CCNI: variants seen among roughly 807,000 people sequenced by gnomAD.
The protein encoded by CCNI is cyclin I.
In CCNI, 14 loss-of-function variants were observed where a neutral mutation model predicts 34.1. The observed-to-expected ratio is 0.41, with a 90% confidence interval of 0.27 to 0.64. The LOEUF is 0.64. Ranked by LOEUF, CCNI falls within the 30% of genes least tolerant of loss-of-function variation. The pLI is 0.31. For missense variants in CCNI, 385 were observed against 440.5 expected (o/e 0.87, Z 1.13); for synonymous variants, 154 against 158.4 (o/e 0.97, Z 0.21).
In CCNI at chr4:77,056,119, G is replaced by A. The variant is rs369295224; in HGVS notation, c.319-17C>T. ...TGGAATTCTCTATCCAAAGCAAAGG[G>A]GAACAGGGACAGGGAGAAAAGGACA... is the stretch of plus-strand genomic sequence containing the variant. On this transcript the variant is annotated splice_polypyrimidine_tract_variant and intron_variant, in intron 4 of 6. Transcript: ENST00000237654. 11 of 1,611,446 alleles carry A rather than the reference G, an allele frequency of 6.8e-6. No homozygotes were observed. The African/African-American group carries it at 8.0e-5, about 12-fold the overall frequency.
chr4:77,050,521 A>C (rs927550384), intron 6 of CCNI, among the ~76,000 whole-genome samples: 1 of 152,228 alleles, frequency 6.6e-6, no homozygotes, highest in Non-Finnish European at 1.5e-5. Flanking sequence ...AAAGTAACTG[A>C]AACTGTCAGA....
In CCNI at chr4:77,048,010, TC is replaced by T. The variant is rs1727544441; in HGVS notation, c.*208del. Reference sequence around the variant, plus strand: ...AAAAAAAGTTTGGATCTTTTGGATTTCTTTTTTTTTTTTTTGGTCTTTATGT... The same window carrying T: ...AAAAAAAGTTTGGATCTTTTGGATTTTTTTTTTTTTTTTTGGTCTTTATGT... On this transcript the variant is annotated 3_prime_UTR_variant, in exon 7 of 7. Coordinates refer to ENST00000237654, the MANE Select transcript of CCNI (RefSeq NM_006835.3). 9.7e-6 allele frequency: 4 copies of T among 412,334 alleles called. No individual in the cohort carries two copies. In the South Asian group the frequency reaches 1.9e-4, roughly 20 times the overall value. The allele number at this position is 412,334 out of a possible 1,614,324, so 25.5% of individuals were successfully genotyped here. A position where few individuals can be genotyped will look rare whatever the true frequency, so the allele number is the denominator to read the frequency against.
chr4:77,055,320 G>A lies in CCNI; in HGVS notation c.520C>T (p.Pro174Ser), dbSNP rs1728143490. 1 of 1,614,166 alleles carries A rather than the reference G, an allele frequency of 6.2e-7. No individual in the cohort carries two copies. The change falls in exon 6 of 7, where the codon CCA (proline) becomes TCA (serine). Residue 174 changes from proline (P) to serine (S), a missense_variant. Around this residue, in one of 2 missense-constraint regions of CCNI, gnomAD observed 250 missense variants for 248.7 expected, o/e 1.01. Coordinates refer to ENST00000237654, the MANE Select transcript of CCNI (RefSeq NM_006835.3). ...GTAAGGACTGCCAAATGTTGAGATG[G>A]GCTCAATTTGGGCAAACTGAAAAGT... ...QLLFSLPKLSPSQHLAVLTKQ... is the reference protein window; with the variant it reads ...QLLFSLPKLSSSQHLAVLTKQ...
At chr4:77,056,629 G>A (rs4252889) in intron 3 of CCNI, 4,425 of 224,926 alleles carry the variant, frequency 0.02, 213 homozygotes, top group African/African-American at 0.11. Flanking sequence ...TTGGCCTGTC[G>A]CCCAGGCTGC....
In CCNI at chr4:77,056,318, A is replaced by T. The variant is rs1174800566; in HGVS notation, c.249T>A (p.His83Gln). 6.2e-7 allele frequency: 1 copy of T among 1,612,868 alleles called. No homozygotes were observed. Among genetic ancestry groups the T allele is most frequent in the Non-Finnish European group, 8.5e-7 (1 of 1,178,922 alleles). Reference sequence around the variant, plus strand: ...TTGCAATACAACTCAAGTATTTTGGATGAGCCTAAAATTTTGAAGAGGGAA... The same window carrying T: ...TTGCAATACAACTCAAGTATTTTGGTTGAGCCTAAAATTTTGAAGAGGGAA... ...LDRFLATVKA[H>Q]PKYLSCIAIS... Residue 83 changes from histidine (H) to glutamine (Q), a missense_variant, in exon 4 of 7, where the codon CAT (histidine) becomes CAA (glutamine). His to Gln is a conservative substitution (Grantham distance 24). Transcript: ENST00000237654.
chr4:77,066,382 T>G lies in CCNI; in HGVS notation c.-20A>C. 6.2e-7 allele frequency: 1 copy of G among 1,613,562 alleles called. No individual in the cohort carries two copies. Among genetic ancestry groups the G allele is most frequent in the South Asian group, 1.1e-5 (1 of 91,020 alleles). ...CTTCATGATATCCTTTGGATCTGCC[T>G]GCTACCCAGCTTGCTGTAGCTACCT... On this transcript the variant is annotated 5_prime_UTR_variant, in exon 2 of 7. Transcript: ENST00000237654.
rs1728144499 is a variant in CCNI, at chr4:77,055,329, T to G, written c.511A>C (p.Lys171Gln). The change falls in exon 6 of 7, where the codon AAA (lysine) becomes CAA (glutamine). Residue 171 changes from lysine to glutamine, a missense_variant. Coordinates refer to ENST00000237654, the MANE Select transcript of CCNI (RefSeq NM_006835.3). ...TRPQLLFSLPKLSPSQHLAVL... is the reference protein window; with the variant it reads ...TRPQLLFSLPQLSPSQHLAVL... ...GCCAAATGTTGAGATGGGCTCAATT[T>G]GGGCAAACTGAAAAGTAACTGAGGC... 5.0e-6 allele frequency: 8 copies of G among 1,614,246 alleles called. No homozygotes were observed. The highest frequency in any genetic ancestry group is 1.3e-5 in the African/African-American group (1 of 75,074).
chr4:77,061,057 C>T (rs1728567273), intron 2 of CCNI, among the ~76,000 whole-genome samples: 1 of 152,260 alleles, frequency 6.6e-6, no homozygotes, highest in African/African-American at 2.4e-5. Flanking sequence ...CTATGTTTGG[C>T]CCATATACCA....
Position 77,048,647 on chromosome 4 carries a change from A to G in CCNI, c.706T>C (p.Leu236=). The part of the protein sequence containing the change: ...LQKAQMDSSQ[L]IHCRELVAHH... Reference sequence around the variant, plus strand: ...GCCACAAGCTCCCGACAATGGATCAACTGGGAGCTATCCATCTGGGCCAGG... The same window carrying G: ...GCCACAAGCTCCCGACAATGGATCAGCTGGGAGCTATCCATCTGGGCCAGG... The change falls in exon 7 of 7, where the codon TTG becomes CTG. Residue 236 remains leucine, a synonymous_variant. Transcript: ENST00000237654. 2 of 1,532,380 alleles carry G rather than the reference A, an allele frequency of 1.3e-6. No homozygotes were observed. Among genetic ancestry groups the G allele is most frequent in the Non-Finnish European group, 1.8e-6 (2 of 1,140,318 alleles). The allele number at this position is 1,532,380 out of a possible 1,614,324, so 94.9% of individuals were successfully genotyped here.
At chr4:77,069,215 G>A (rs1729276068) in intron 1 of CCNI, among the ~76,000 whole-genome samples, 1 of 152,068 alleles carries the variant, frequency 6.6e-6, no homozygotes, top group African/African-American at 2.4e-5. Context: ...CAAGGAGTTC[G>A]ACGCCAGCCT....
chr4:77,061,266 T>C (rs879855705), intron 2 of CCNI, among the ~76,000 whole-genome samples: 7 of 152,340 alleles, frequency 4.6e-5, no homozygotes, highest in Admixed American at 3.9e-4. Context: ...AATATCATCA[T>C]GACAGCATTA....
chr4:77,055,437 T>C (rs568281978), intron 5 of CCNI, 57 bp from the exon 6 acceptor site: 363 of 1,118,864 alleles, frequency 3.2e-4, no homozygotes, highest in Non-Finnish European at 4.5e-4. Flanking sequence ...AAATTACATA[T>C]AGAAATTGAT....
rs559792039 is a variant in CCNI at position 77,050,624 on chromosome 4, G to A, written c.691-1962C>T. On this transcript the variant is annotated intron_variant, in intron 6 of 6. Transcript: ENST00000237654. ...AAAGGCATTAGATAACACACTGTGG[G>A]TAAGACACTATTAACTAGTATTAGA... Among the ~76,000 whole-genome samples, 538 of 152,136 alleles carry A rather than the reference G, an allele frequency of 3.5e-3. 3 individuals carry two copies. Among genetic ancestry groups the A allele is most frequent in the South Asian group, 6.2e-3 (30 of 4,822 alleles).
intron 6 of CCNI, among the ~76,000 whole-genome samples, chr4:77,053,157 T>C (rs145099157): frequency 1.3e-5 from 2 of 152,170 alleles, no homozygotes; most frequent in East Asian, 1.9e-4. Context: ...CGTTCTTCTA[T>C]TCTATATTCT....
intron 2 of CCNI, among the ~76,000 whole-genome samples, chr4:77,061,445 A>G (rs1031945212): frequency 6.6e-6 from 1 of 152,216 alleles, no homozygotes; most frequent in Non-Finnish European, 1.5e-5. Flanking sequence ...TGAACAAATA[A>G]TCCTAAAGAG....
At chr4:77,068,879 A>T (rs959090625) in intron 1 of CCNI, among the ~76,000 whole-genome samples, 3 of 152,056 alleles carry the variant, frequency 2.0e-5, no homozygotes, top group African/African-American at 7.3e-5. Context: ...TCAACTTACT[A>T]GAGACTAATT....
At chr4:77,063,830 T>C (rs1728812369) in intron 2 of CCNI, among the ~76,000 whole-genome samples, 1 of 152,174 alleles carries the variant, frequency 6.6e-6, no homozygotes, top group African/African-American at 2.4e-5. Context: ...AAGTATTAAA[T>C]ATGGCTTCTA....
chr4:77,049,488 C>T (rs1404578051), intron 6 of CCNI, among the ~76,000 whole-genome samples: 1 of 152,104 alleles, frequency 6.6e-6, no homozygotes, highest in Non-Finnish European at 1.5e-5. Flanking sequence ...ACCAGCCTGG[C>T]CAACATGGCG....
Position 77,048,307 on chromosome 4 carries a change from T to G in CCNI, c.1046A>C (p.Asn349Thr). 6.2e-7 allele frequency: 1 copy of G among 1,614,114 alleles called. No individual in the cohort carries two copies. The highest frequency in any genetic ancestry group is 2.2e-5 in the East Asian group (1 of 44,868). The change falls in exon 7 of 7, where the codon AAT becomes ACT. Residue 349 changes from asparagine (N) to threonine (T), a missense_variant. Around this residue, in one of 2 missense-constraint regions of CCNI, gnomAD observed 250 missense variants for 248.7 expected, o/e 1.01. Transcript: ENST00000237654. ...ATCAGTGCCACACACAGAACCCACA[T>G]TTTCTGAGACATTATCTTCATTATA... is the stretch of plus-strand genomic sequence containing the variant. ...RLYNEDNVSE[N>T]VGSVCGTDLS...
Sources: allele counts gnomAD v4.1 joint callset (sites outside exome capture counted in the v4.1 genomes callset), GRCh38; gene constraint gnomAD v4.1.1; regional missense constraint gnomAD v4.1.1; transcripts MANE v1.5; gene names NCBI Gene and HGNC (gene_info 2026-07-23, HGNC 2026-07-21).